The following ANK1 variants were observed in gnomAD, a reference collection of about 807,000 sequenced individuals.
ANK1 encodes ankyrin-1.
In ANK1, 51 loss-of-function variants were observed where a neutral mutation model predicts 210.4. That is an observed-to-expected ratio of 0.24 (90% CI 0.19 to 0.31). ANK1 has a LOEUF of 0.31. Among genes scored for constraint, ANK1 ranks in the 10% least tolerant of loss-of-function variants. The probability of loss-of-function intolerance (pLI) is 1.00; values close to 1 mark genes in which losing one functional copy is unlikely to be tolerated. For synonymous variants in ANK1, 967 were observed against 1,025.9 expected (o/e 0.94, Z 1.10); for missense variants, 2,051 against 2,504.4 (o/e 0.82, Z 3.86).
At chr8:41,895,252 C>T (rs529403391) in intron 1 of ANK1, among the ~76,000 whole-genome samples, 1 of 152,192 alleles carries the variant, frequency 6.6e-6, no homozygotes, top group East Asian at 1.9e-4. Flanking sequence ...GCCTGAGGGG[C>T]CCCACTCCTT....
chr8:41,872,994 C>T lies in ANK1; in HGVS notation c.126+23361G>A, dbSNP rs182045751. On this transcript the variant is annotated intron_variant, in intron 1 of 42. Coordinates refer to the ANK1 transcript ENST00000265709. ...ATATTAAATCCTCAATCCTCTTCAACGGAAAAGAAGTCTCTCCTGTGGGCA... is the reference window on the plus strand; with the variant it reads ...ATATTAAATCCTCAATCCTCTTCAATGGAAAAGAAGTCTCTCCTGTGGGCA... Among the ~76,000 whole-genome samples the T allele has an allele frequency of 4.6e-3, 696 of 152,336 alleles. 3 individuals carry two copies. Among genetic ancestry groups the T allele is most frequent in the South Asian group, 0.023 (113 of 4,826 alleles).
At chr8:41,833,310 C>G (rs777836643) in intron 1 of ANK1, among the ~76,000 whole-genome samples, 7 of 152,226 alleles carry the variant, frequency 4.6e-5, no homozygotes, top group Non-Finnish European at 8.8e-5. Context: ...ATTTCTTCAC[C>G]TTCCAAGTGC....
intron 1 of ANK1, among the ~76,000 whole-genome samples, chr8:41,877,909 G>A (rs983116664): frequency 2.0e-5 from 3 of 152,222 alleles, no homozygotes; most frequent in African/African-American, 4.8e-5. Context: ...GAGCTAAGGC[G>A]AGTAGGGCTG....
At chr8:41,807,932 G>A (rs1851202015) in intron 1 of ANK1, among the ~76,000 whole-genome samples, 1 of 149,600 alleles carries the variant, frequency 6.7e-6, no homozygotes, top group African/African-American at 2.5e-5. Context: ...GGGGGAAGGA[G>A]GAGGGAGGGG....
intron 1 of ANK1, among the ~76,000 whole-genome samples, chr8:41,819,193 C>A (rs1803803436): frequency 6.6e-6 from 1 of 152,182 alleles, no homozygotes; most frequent in Non-Finnish European, 1.5e-5. Flanking sequence ...GCTCCAACCT[C>A]ACCCTCGGTG....
At chr8:41,763,350 T>A (rs1411190415) in intron 1 of ANK1, among the ~76,000 whole-genome samples, 1 of 152,196 alleles carries the variant, frequency 6.6e-6, no homozygotes, top group Non-Finnish European at 1.5e-5. Context: ...TACCAACCAT[T>A]GGGACAAATG....
intron 8 of ANK1, 94 bp from the exon 9 acceptor site, chr8:41,723,317 G>A (rs1282006437): frequency 1.2e-5 from 16 of 1,382,066 alleles, no homozygotes; most frequent in East Asian, 6.9e-5. Flanking sequence ...CCCAGCCCAC[G>A]CAAGTGCTGA....
Position 41,702,162 on chromosome 8 carries a change from C to G in ANK1, c.2296-18G>C, listed in dbSNP as rs769575836. The G allele has an allele frequency of 1.2e-6, 2 of 1,606,922 alleles. No individual in the cohort carries two copies. Among genetic ancestry groups the G allele is most frequent in the East Asian group, 2.2e-5 (1 of 44,836 alleles). ...GTTCCATCCTGGGGAAAGAGCAGCCCGGGTGCAGTCAGACAGGGGATGGAG... is the reference window on the plus strand; with the variant it reads ...GTTCCATCCTGGGGAAAGAGCAGCCGGGGTGCAGTCAGACAGGGGATGGAG... On this transcript the variant is annotated intron_variant, in intron 20 of 42. Transcript: ENST00000289734.
chr8:41,724,551 C>A lies in ANK1; in HGVS notation c.616G>T (p.Gly206Ter). Reference protein sequence around the residue: ...DPNPDVLSKTGFTPLHIAAHY... With the variant: ...DPNPDVLSKT The stretch of plus-strand genomic sequence containing the variant: ...GCCGCAATGTGCAGGGGCGTGAATC[C>A]CGTCTGGGGCACAACAGAGGGGGAG... The change falls in exon 7 of 43, where the codon GGA becomes TGA. Residue 206 changes from glycine to a stop codon, truncating the protein, a stop_gained. Coordinates refer to ENST00000289734, the MANE Select transcript of ANK1 (RefSeq NM_000037.4). LOFTEE classifies it high-confidence loss of function. 1 of 1,589,790 alleles carries A rather than the reference C, an allele frequency of 6.3e-7. No individual in the cohort carries two copies. Among genetic ancestry groups the A allele is most frequent in the Non-Finnish European group, 8.6e-7 (1 of 1,167,624 alleles).
intron 1 of ANK1, among the ~76,000 whole-genome samples, chr8:41,803,693 C>T (rs1280464939): frequency 6.6e-6 from 1 of 151,712 alleles, no homozygotes; most frequent in African/African-American, 2.4e-5. Flanking sequence ...TTATGTAAGA[C>T]TTTTGTGAAT....
Position 41,654,716 on chromosome 8 carries a change from T to C in ANK1, c.*1074A>G, listed in dbSNP as rs886062933. The C allele has an allele frequency of 6.5e-6, 1 of 152,674 alleles. No individual in the cohort carries two copies. The highest frequency in any genetic ancestry group is 1.5e-5 in the Non-Finnish European group (1 of 68,038). The allele number at this position is 152,674 out of a possible 1,614,324, so 9.5% of individuals were successfully genotyped here. On this transcript the variant is annotated 3_prime_UTR_variant, in exon 43 of 43. Coordinates refer to ENST00000289734, the MANE Select transcript of ANK1 (RefSeq NM_000037.4). ...ATGTTTCTATTGGTTTGCATAGTAT[T>C]TATTGTTTTTCATATACACAAGGCT...
chr8:41,797,413 G>A lies in ANK1; in HGVS notation c.27+99C>T. The A allele has an allele frequency of 8.9e-7, 1 of 1,122,644 alleles. No individual in the cohort carries two copies. Among genetic ancestry groups the A allele is most frequent in the Non-Finnish European group, 1.3e-6 (1 of 758,282 alleles). The allele number at this position is 1,122,644 out of a possible 1,614,324, so 69.5% of individuals were successfully genotyped here. ...CACGGGGAGGCGAGGCGGGTGGGGT[G>A]TGCAAAGCTGCTCTTGCTCGCGTGC... On this transcript the variant is annotated intron_variant, in intron 1 of 42. Transcript: ENST00000289734. This position sits in a 1 kb window ranked among gnomAD's most constrained non-coding sequence, Gnocchi z 4.0.
Position 41,797,540 on chromosome 8 carries a change from C to T in ANK1, c.-2G>A. ...GCGGAAGCCCACAGAATAGGGCATG[C>T]CGGTCTTTCAGCAGGGGCCCGCCGA... On this transcript the variant is annotated 5_prime_UTR_variant, in exon 1 of 43. Transcript: ENST00000289734. The surrounding 1 kb of genome is among the most constrained non-coding windows in gnomAD (Gnocchi z 4.0). 6.2e-7 allele frequency: 1 copy of T among 1,613,666 alleles called. No homozygotes were observed. The highest frequency in any genetic ancestry group is 8.5e-7 in the Non-Finnish European group (1 of 1,179,876).
At chr8:41,787,838 C>CAGGA (rs889198418) in intron 1 of ANK1, among the ~76,000 whole-genome samples, 2 of 150,118 alleles carry the variant, frequency 1.3e-5, no homozygotes, top group Admixed American at 6.6e-5. Flanking sequence ...GGCAGGCAGG[C>CAGGA]AGGAAGGAAG....
At chr8:41,797,742 G>C (rs117184692), upstream of ANK1, 1,838 of 671,228 alleles carry the variant, frequency 2.7e-3, 12 homozygotes, top group Middle Eastern at 0.014. This position sits in a 1 kb window ranked among gnomAD's most constrained non-coding sequence, Gnocchi z 4.0. Flanking sequence ...CCTGGGGACC[G>C]CAGATTACAA....
chr8:41,867,859 G>GTGTT (rs35695141), intron 1 of ANK1, among the ~76,000 whole-genome samples: 29,896 of 151,838 alleles, frequency 0.2, 4,338 homozygotes, highest in East Asian at 0.43. Context: ...TCTAAAGCAG[G>GTGTT]TGTTTGTTTG....
chr8:41,872,694 C>T (rs1036774080), intron 1 of ANK1, among the ~76,000 whole-genome samples: 36 of 152,178 alleles, frequency 2.4e-4, no homozygotes, highest in African/African-American at 8.4e-4. Flanking sequence ...CTGGATTACA[C>T]CTTAAGGTTT....
intron 1 of ANK1, among the ~76,000 whole-genome samples, chr8:41,790,604 C>G (rs1226487050): frequency 6.6e-6 from 1 of 152,028 alleles, no homozygotes; most frequent in African/African-American, 2.4e-5. Flanking sequence ...TCACTCCTGG[C>G]GTTTGCCTAA....
intron 1 of ANK1, among the ~76,000 whole-genome samples, chr8:41,861,853 T>G (rs1813328827): frequency 6.6e-6 from 1 of 152,242 alleles, no homozygotes; most frequent in Admixed American, 6.5e-5. Context: ...CATTGAACTT[T>G]CTGAGCACGC....
Sources: allele counts gnomAD v4.1 joint callset (sites outside exome capture counted in the v4.1 genomes callset), GRCh38; gene constraint gnomAD v4.1.1; non-coding constraint Gnocchi (gnomAD v3.1); transcripts MANE v1.5; gene names NCBI Gene and HGNC (gene_info 2026-07-23, HGNC 2026-07-21).